Variants in KALRN observed in about 807,000 individuals in gnomAD.
The protein encoded by KALRN is kalirin RhoGEF kinase, also known as kalirin.
Under a neutral mutation model 353.7 loss-of-function variants are expected in KALRN, and 70 were observed. The ratio of observed to expected loss-of-function variants is 0.20; its 90% CI spans 0.16 to 0.24. The LOEUF (loss-of-function observed/expected upper bound fraction) is 0.24, where lower values mean the gene tolerates loss of function less well. KALRN is among the 10% of genes least tolerant of loss of function. The pLI is 1.00. For missense variants in KALRN, 2,791 were observed against 3,756.7 expected, an observed-to-expected ratio of 0.74 and a Z score of 6.72; for synonymous variants, 1,391 against 1,434.8, an observed-to-expected ratio of 0.97 and a Z score of 0.69.
chr3:124,659,512 C>G, intron 43 of KALRN, 55 bp downstream of exon 43: 1 of 1,236,830 alleles, frequency 8.1e-7, no homozygotes, highest in South Asian at 1.2e-5. Flanking sequence ...AGGCTCAGAG[C>G]AGGTTCTGAG....
At chr3:124,066,847 G>A (rs890267101) in intron 1 of KALRN, among the ~76,000 whole-genome samples, 1 of 152,198 alleles carries the variant, frequency 6.6e-6, no homozygotes, top group African/African-American at 2.4e-5. Context: ...GGTTGACTAG[G>A]AGAATATGAG....
intron 10 of KALRN, among the ~76,000 whole-genome samples, chr3:124,371,660 AT>A (rs1031726196): frequency 1.3e-5 from 2 of 152,042 alleles, no homozygotes; most frequent in Admixed American, 6.6e-5. Flanking sequence ...CTATGTTTAA[AT>A]TTTTTGTGGG....
chr3:124,155,282 G>T (rs2068815208), intron 1 of KALRN, among the ~76,000 whole-genome samples: 1 of 152,112 alleles, frequency 6.6e-6, no homozygotes, highest in African/African-American at 2.4e-5. Context: ...AGAAAAAAGA[G>T]ATTTTTTTTC....
chr3:124,560,038 C>T (rs753163471), intron 33 of KALRN, among the ~76,000 whole-genome samples: 3 of 152,170 alleles, frequency 2.0e-5, no homozygotes, highest in Admixed American at 6.5e-5. Flanking sequence ...CATCTAGTGG[C>T]GTATCTAGGC....
At chr3:124,216,129 A>G (rs956711770) in intron 1 of KALRN, among the ~76,000 whole-genome samples, 4 of 152,188 alleles carry the variant, frequency 2.6e-5, no homozygotes, top group Admixed American at 6.5e-5. Context: ...CCTCTAATAA[A>G]GCTTATTCTT....
chr3:124,101,545 C>G (rs1274004139), intron 1 of KALRN, among the ~76,000 whole-genome samples: 1 of 152,184 alleles, frequency 6.6e-6, no homozygotes, highest in East Asian at 1.9e-4. Context: ...TCTCAACTTT[C>G]AAATCTCCCA....
At chr3:124,207,961 A>G (rs61512741) in intron 1 of KALRN, among the ~76,000 whole-genome samples, 3,601 of 152,260 alleles carry the variant, frequency 0.024, 138 homozygotes, top group African/African-American at 0.082. Flanking sequence ...GGCAGGGGTA[A>G]CTTGGTCTGC....
intron 1 of KALRN, among the ~76,000 whole-genome samples, chr3:124,073,730 C>G (rs1383607966): frequency 6.6e-6 from 1 of 152,170 alleles, no homozygotes. Context: ...TAGATAAACA[C>G]TATTTTACCT....
At chr3:124,128,371 T>G (rs2064918768) in intron 1 of KALRN, among the ~76,000 whole-genome samples, 1 of 152,224 alleles carries the variant, frequency 6.6e-6, no homozygotes, top group African/African-American at 2.4e-5. Context: ...TTTTGTATAT[T>G]AAAAGATATT....
intron 33 of KALRN, among the ~76,000 whole-genome samples, chr3:124,547,157 T>G (rs2069779550): frequency 6.6e-6 from 1 of 152,096 alleles, no homozygotes; most frequent in South Asian, 2.1e-4. Context: ...TTAATTTATT[T>G]TAAATTTTAT....
intron 10 of KALRN, among the ~76,000 whole-genome samples, chr3:124,374,835 C>A (rs1028264029): frequency 6.6e-6 from 1 of 152,258 alleles, no homozygotes; most frequent in Admixed American, 6.5e-5. Flanking sequence ...GGGTACATTT[C>A]CCCCCATACC....
At chr3:124,054,357 T>TTAAAATAAAAATAAAAATAAAAATAAAAA (rs138045279) in intron 1 of KALRN, among the ~76,000 whole-genome samples, 1 of 136,912 alleles carries the variant, frequency 7.3e-6, no homozygotes, top group African/African-American at 2.7e-5. Context: ...ACCCCATCAC[T>TTAAAATAAAAATAAAAATAAAAATAAAAA]TAAAAATAAA....
intron 1 of KALRN, among the ~76,000 whole-genome samples, chr3:124,047,425 TTAAA>T (rs2040582239): frequency 6.6e-6 from 1 of 150,458 alleles, no homozygotes. Flanking sequence ...AAGTGATAAT[TTAAA>T]TAAGTGGTAA....
intron 23 of KALRN, among the ~76,000 whole-genome samples, chr3:124,458,890 C>A (rs1441207568): frequency 6.6e-6 from 1 of 152,250 alleles, no homozygotes; most frequent in East Asian, 1.9e-4. Context: ...GCCAAAATTG[C>A]TCCACTGCAC....
chr3:124,136,216 T>A (rs561538920), intron 1 of KALRN, among the ~76,000 whole-genome samples: 18 of 149,306 alleles, frequency 1.2e-4, no homozygotes, highest in Admixed American at 9.4e-4. Context: ...TTTTTTTTTT[T>A]ATATCCCCAG....
chr3:124,209,077 G>A (rs142356448), intron 1 of KALRN, among the ~76,000 whole-genome samples: 1 of 152,174 alleles, frequency 6.6e-6, no homozygotes, highest in East Asian at 1.9e-4. Context: ...TATAATAGCT[G>A]CAATTGATTA....
In KALRN at chr3:124,713,151, A is replaced by G; in HGVS notation, c.8276+16A>G. 6.2e-7 allele frequency: 1 copy of G among 1,601,368 alleles called. No individual in the cohort carries two copies. Among genetic ancestry groups the G allele is most frequent in the East Asian group, 2.2e-5 (1 of 44,662 alleles). On this transcript the variant is annotated intron_variant, in intron 58 of 59. Coordinates refer to ENST00000682506, the MANE Select transcript of KALRN (RefSeq NM_001388419.1). ...TCTTGGAACTGTAAGTACAGACGCC[A>G]TCTCTCTAAAGTCGCCTGCATCCAT...
intron 1 of KALRN, among the ~76,000 whole-genome samples, chr3:124,221,513 T>C (rs2077904240): frequency 6.6e-6 from 1 of 152,072 alleles, no homozygotes; most frequent in Admixed American, 6.5e-5. Context: ...GAGTGATAGA[T>C]TATAAAGTAC....
intron 34 of KALRN, among the ~76,000 whole-genome samples, chr3:124,594,480 T>TC (rs2076090808): frequency 2.0e-5 from 3 of 152,132 alleles, no homozygotes; most frequent in African/African-American, 7.2e-5. Context: ...TGCCTTGGCC[T>TC]CCCAAAGTGC....
Sources: gnomAD v4.1 joint callset for allele counts (sites outside exome capture counted in the v4.1 genomes callset) on GRCh38, gnomAD v4.1.1 for gene constraint, MANE v1.5 for transcripts, NCBI Gene and HGNC (gene_info 2026-07-23, HGNC 2026-07-21) for gene names.